MAP2K6: variants seen among roughly 807,000 people sequenced by gnomAD.
MAP2K6 encodes mitogen-activated protein kinase kinase 6.
Under a neutral mutation model 53.7 loss-of-function variants are expected in MAP2K6, and 16 were observed. That is an observed-to-expected ratio of 0.30 (90% CI 0.20 to 0.45). The LOEUF (loss-of-function observed/expected upper bound fraction) is 0.45. Ranked by LOEUF, MAP2K6 falls within the 20% of genes least tolerant of loss-of-function variation. The pLI is 1.00. For missense variants in MAP2K6, 204 were observed against 411.9 expected (o/e 0.50, Z 4.37); for synonymous variants, 132 against 143.1 (o/e 0.92, Z 0.55).
rs1401361579 is a variant in MAP2K6, at chr17:69,549,957, G to A, written c.*8204G>A. On this transcript the variant is annotated 3_prime_UTR_variant, in exon 12 of 12. Coordinates refer to ENST00000590474, the MANE Select transcript of MAP2K6 (RefSeq NM_002758.4). Reference sequence around the variant, plus strand: ...GCTAAATTAGGAACCCCTTGAAGGAGCAAGCTGATTAAAAAAAAAAGCTGG... The same window carrying A: ...GCTAAATTAGGAACCCCTTGAAGGAACAAGCTGATTAAAAAAAAAAGCTGG... 6.6e-6 allele frequency: 1 copy of A among 151,778 alleles called. No homozygotes were observed. The highest frequency in any genetic ancestry group is 1.5e-5 in the Non-Finnish European group (1 of 67,930). 9.4% of individuals were successfully genotyped at this position (151,778 alleles called of 1,614,324 possible). A position where few individuals can be genotyped will look rare whatever the true frequency, so the allele number is the denominator to read the frequency against.
intron 1 of MAP2K6, among the ~76,000 whole-genome samples, chr17:69,448,527 A>G (rs1221314995): frequency 6.6e-6 from 1 of 151,636 alleles, no homozygotes. Context: ...TCTGCCCATC[A>G]CTGCCTTGGC....
intron 1 of MAP2K6, among the ~76,000 whole-genome samples, chr17:69,464,458 T>G (rs566849917): frequency 1.4e-3 from 218 of 152,312 alleles, no homozygotes; most frequent in African/African-American, 5.0e-3. Flanking sequence ...TTCAGCTCAC[T>G]TCAATCTCCA....
intron 2 of MAP2K6, among the ~76,000 whole-genome samples, chr17:69,508,041 G>GTTTTTTTTTTTTTTT (rs71144698): frequency 2.2e-5 from 1 of 44,874 alleles, no homozygotes; most frequent in African/African-American, 8.6e-5. Context: ...TATATATGTA[G>GTTTTTTTTTTTTTTT]TTTTTTTTTT....
At chr17:69,470,764 C>T (rs1246139352) in intron 1 of MAP2K6, among the ~76,000 whole-genome samples, 3 of 152,226 alleles carry the variant, frequency 2.0e-5, no homozygotes, top group African/African-American at 7.2e-5. Flanking sequence ...TAGAACTTGA[C>T]ACTACCTCCT....
At chr17:69,453,364 C>A (rs533714842) in intron 1 of MAP2K6, among the ~76,000 whole-genome samples, 49 of 152,276 alleles carry the variant, frequency 3.2e-4, no homozygotes, top group African/African-American at 1.2e-3. Flanking sequence ...TCCAATAAAA[C>A]TTTATTTACC....
chr17:69,476,183 T>C (rs1317566238), intron 1 of MAP2K6, among the ~76,000 whole-genome samples: 1 of 152,154 alleles, frequency 6.6e-6, no homozygotes, highest in Non-Finnish European at 1.5e-5. Context: ...CATATATATG[T>C]ATAGTATACA....
At chr17:69,467,713 G>A (rs1453552807) in intron 1 of MAP2K6, among the ~76,000 whole-genome samples, 2 of 151,996 alleles carry the variant, frequency 1.3e-5, no homozygotes, top group East Asian at 3.9e-4. Flanking sequence ...TTTTTATTCA[G>A]TCTTTTCCTT....
At chr17:69,469,872 G>A (rs1014469583) in intron 1 of MAP2K6, among the ~76,000 whole-genome samples, 48 of 152,068 alleles carry the variant, frequency 3.2e-4, no homozygotes, top group Admixed American at 8.5e-4. Context: ...CATCATGGTC[G>A]GTGGAGCAAT....
intron 2 of MAP2K6, among the ~76,000 whole-genome samples, chr17:69,512,911 A>G (rs922758071): frequency 6.6e-6 from 1 of 152,292 alleles, no homozygotes; most frequent in African/African-American, 2.4e-5. Flanking sequence ...ATAAATGAAT[A>G]ATTATCATAC....
At chr17:69,492,233 A>G in intron 1 of MAP2K6, among the ~76,000 whole-genome samples, 1 of 152,068 alleles carries the variant, frequency 6.6e-6, no homozygotes, top group Admixed American at 6.6e-5. Flanking sequence ...GCCCATTCCT[A>G]TGGCTGAGTG....
At chr17:69,540,882 C>T (rs1275055751) in intron 11 of MAP2K6, among the ~76,000 whole-genome samples, 1 of 152,192 alleles carries the variant, frequency 6.6e-6, no homozygotes, top group South Asian at 2.1e-4. Flanking sequence ...AATTCTCCAA[C>T]GTCAAGGGCG....
intron 1 of MAP2K6, among the ~76,000 whole-genome samples, chr17:69,490,818 A>C (rs144185674): frequency 4.5e-4 from 69 of 152,112 alleles, no homozygotes; most frequent in African/African-American, 1.7e-3. Flanking sequence ...TCATTACCCA[A>C]GTATTAAGCC....
At chr17:69,480,937 G>A (rs1427447379) in intron 1 of MAP2K6, among the ~76,000 whole-genome samples, 2 of 98,984 alleles carry the variant, frequency 2.0e-5, no homozygotes, top group Non-Finnish European at 4.0e-5. Context: ...TAGATGAAAT[G>A]TGAAATGAGA....
intron 1 of MAP2K6, among the ~76,000 whole-genome samples, chr17:69,443,833 G>T (rs1407261593): frequency 6.6e-6 from 1 of 152,162 alleles, no homozygotes. Context: ...TTGTTGAGCT[G>T]TATTTTGAAG....
At position 69,536,130 on chromosome 17, in the gene MAP2K6, C is replaced by T. The variant is rs755266127; in HGVS notation, c.897C>T (p.Ser299=). The T allele has an allele frequency of 4.3e-6, 7 of 1,609,708 alleles. No individual in the cohort carries two copies. The Admixed American group carries it at 1.2e-4, about 27-fold the overall frequency. Residue 299 remains serine (S), a synonymous_variant, in exon 11 of 12, where the codon TCC becomes TCT. Coordinates refer to ENST00000590474, the MANE Select transcript of MAP2K6 (RefSeq NM_002758.4). ...TTTCTTTAAGCTTAAAGAAGAATTC[C>T]AAAGAACGGCCTACATACCCAGAGC... ...DFTSQCLKKN[S]KERPTYPELM...
In MAP2K6 at chr17:69,479,109, C is replaced by G. The variant is rs867890723; in HGVS notation, c.17-26671C>G. On this transcript the variant is annotated intron_variant, in intron 1 of 11. Transcript: ENST00000590474. The stretch of plus-strand genomic sequence containing the variant: ...AAAATAATGTGGTTGTGTAAACACT[C>G]AGAAGGAAGTGTGGTGTGACCGGTG... Among the ~76,000 whole-genome samples the G allele has an allele frequency of 2.0e-5, 3 of 152,138 alleles. No individual in the cohort carries two copies. The South Asian group carries it at 6.2e-4, about 32-fold the overall frequency.
chr17:69,447,142 T>C (rs1906995044), intron 1 of MAP2K6, among the ~76,000 whole-genome samples: 1 of 151,926 alleles, frequency 6.6e-6, no homozygotes, highest in African/African-American at 2.4e-5. Context: ...CACGCCTGGC[T>C]AATTTTTTGT....
intron 1 of MAP2K6, among the ~76,000 whole-genome samples, chr17:69,497,324 C>A (rs572961098): frequency 1.2e-4 from 19 of 152,310 alleles, no homozygotes; most frequent in Middle Eastern, 3.4e-3. Flanking sequence ...TGGAAGACTT[C>A]CTGGAGAAAA....
chr17:69,442,592 A>G (rs1349114960), intron 1 of MAP2K6, among the ~76,000 whole-genome samples: 3 of 152,232 alleles, frequency 2.0e-5, no homozygotes, highest in South Asian at 2.1e-4. Context: ...TTCACAATAT[A>G]TATCACACAG....
Sources: allele counts gnomAD v4.1 joint callset (sites outside exome capture counted in the v4.1 genomes callset), GRCh38; gene constraint gnomAD v4.1.1; transcripts MANE v1.5; gene names NCBI Gene and HGNC (gene_info 2026-07-23, HGNC 2026-07-21).